QDPR: variants seen among roughly 807,000 people sequenced by gnomAD.
The protein encoded by QDPR is dihydropteridine reductase.
QDPR carries 23 observed loss-of-function variants against 31.7 expected under a neutral mutation model. The observed-to-expected ratio is 0.73, with a 90% CI of 0.52 to 1.03. The LOEUF is 1.03. QDPR is among the 50% of genes least tolerant of loss of function. The probability of loss-of-function intolerance (pLI) is 0.00; values close to 1 mark genes in which losing one functional copy is unlikely to be tolerated. For synonymous variants in QDPR, 124 were observed against 124.7 expected, an observed-to-expected ratio of 0.99 and a Z score of 0.03; for missense variants, 324 against 323.8, an observed-to-expected ratio of 1.00 and a Z score of 0.00.
chr4:17,502,527 C>T (rs1237260074), intron 3 of QDPR, among the ~76,000 whole-genome samples: 1 of 152,052 alleles, frequency 6.6e-6, no homozygotes, highest in East Asian at 1.9e-4. Context: ...AATTGCATTT[C>T]CCCACTAAAA....
At chr4:17,501,344 C>G (rs1382288290) in intron 4 of QDPR, among the ~76,000 whole-genome samples, 2 of 152,196 alleles carry the variant, frequency 1.3e-5, no homozygotes, top group African/African-American at 4.8e-5. Context: ...TCATTTTAAA[C>G]TTATGCTATT....
At chr4:17,505,661 G>C (rs1365389901) in intron 2 of QDPR, among the ~76,000 whole-genome samples, 1 of 152,122 alleles carries the variant, frequency 6.6e-6, no homozygotes, top group African/African-American at 2.4e-5. Context: ...AGACCAGCCC[G>C]GGCAACATAA....
chr4:17,492,355 G>A lies in QDPR; in HGVS notation c.437-15C>T. The stretch of plus-strand genomic sequence containing the variant: ...CCCGATCATACCTGGGAAATGGGGA[G>A]AAGATGGCTCAGTGACCACTGGCGG... On this transcript the variant is annotated splice_polypyrimidine_tract_variant and intron_variant, in intron 4 of 6. Transcript: ENST00000281243. 1 of 1,608,094 alleles carries A rather than the reference G, an allele frequency of 6.2e-7. No homozygotes were observed. The highest frequency in any genetic ancestry group is 1.1e-5 in the South Asian group (1 of 90,918).
intron 1 of QDPR, among the ~76,000 whole-genome samples, chr4:17,510,346 G>A (rs1040458834): frequency 6.6e-6 from 1 of 152,172 alleles, no homozygotes; most frequent in Non-Finnish European, 1.5e-5. Context: ...GATTAACAGG[G>A]TCAGTGTAAG....
At chr4:17,501,203 T>C (rs1333152608) in intron 4 of QDPR, among the ~76,000 whole-genome samples, 1 of 152,164 alleles carries the variant, frequency 6.6e-6, no homozygotes, top group Non-Finnish European at 1.5e-5. Flanking sequence ...TTTTCTAATG[T>C]AGAGATAGGG....
chr4:17,505,158 T>C (rs1718713550), intron 2 of QDPR, among the ~76,000 whole-genome samples: 1 of 151,572 alleles, frequency 6.6e-6, no homozygotes, highest in African/African-American at 2.4e-5. Flanking sequence ...ATTCTGGCCA[T>C]CCACCACGAC....
At chr4:17,500,684 T>C (rs1315949917) in intron 4 of QDPR, among the ~76,000 whole-genome samples, 1 of 152,082 alleles carries the variant, frequency 6.6e-6, no homozygotes, top group Non-Finnish European at 1.5e-5. Context: ...TATGAGAAAA[T>C]AAATCTCTGT....
In QDPR at chr4:17,501,703, G is replaced by A. The variant is rs187812666; in HGVS notation, c.436+16C>T. 100 of 1,613,440 alleles carry A rather than the reference G, an allele frequency of 6.2e-5. No individual in the cohort carries two copies. In the East Asian group the frequency reaches 2.0e-3, roughly 33 times the overall value. On this transcript the variant is annotated intron_variant, in intron 4 of 6. Coordinates refer to ENST00000281243, the MANE Select transcript of QDPR (RefSeq NM_000320.3). ...GTAAGCAACCCCACTCCACAGATAG[G>A]GAAATAAAGGCTTACCAGGAGTCCC...
chr4:17,489,796 T>C (rs1412965649), intron 6 of QDPR, among the ~76,000 whole-genome samples: 3 of 152,236 alleles, frequency 2.0e-5, no homozygotes, highest in Non-Finnish European at 2.9e-5. Context: ...TTAATTTAAA[T>C]GAGATTGTGA....
chr4:17,487,516 C>T (rs1014045489), intron 6 of QDPR, among the ~76,000 whole-genome samples: 1 of 151,704 alleles, frequency 6.6e-6, no homozygotes. Context: ...CGTGGTAGCA[C>T]GTGCCTGTAA....
At position 17,489,341 on chromosome 4, in the gene QDPR, C is replaced by T. The variant is rs566355007; in HGVS notation, c.629+1321G>A. Among the ~76,000 whole-genome samples, 6 of 152,318 alleles carry T rather than the reference C, an allele frequency of 3.9e-5. No individual in the cohort carries two copies. In the South Asian group the frequency reaches 1.2e-3, roughly 32 times the overall value. On this transcript the variant is annotated intron_variant, in intron 6 of 6. Transcript: ENST00000281243. ...TCAGCACGAGTTCAGACACAAGATC[C>T]CAGATGTTCCATCTAGAGTAGGTCT...
intron 4 of QDPR, 185 bp from the exon 5 acceptor site, chr4:17,492,525 G>C (rs542458490): frequency 6.7e-4 from 421 of 628,742 alleles, no homozygotes; most frequent in Non-Finnish European, 1.1e-3. Flanking sequence ...ACGAGAAAGA[G>C]GGGATGGGAA....
At chr4:17,495,830 G>A (rs1396458133) in intron 4 of QDPR, among the ~76,000 whole-genome samples, 1 of 151,664 alleles carries the variant, frequency 6.6e-6, no homozygotes, top group Non-Finnish European at 1.5e-5. Context: ...GCAACATGGT[G>A]AAACCCTGTC....
chr4:17,487,970 G>T (rs781011188), intron 6 of QDPR, among the ~76,000 whole-genome samples: 36 of 152,172 alleles, frequency 2.4e-4, no homozygotes, highest in Non-Finnish European at 4.9e-4. Context: ...GATTTTAAAA[G>T]ATTCTAATTT....
intron 2 of QDPR, among the ~76,000 whole-genome samples, chr4:17,506,343 C>T (rs1470398243): frequency 6.6e-6 from 1 of 152,176 alleles, no homozygotes; most frequent in Non-Finnish European, 1.5e-5. Context: ...GTTGCACAGG[C>T]TGGTCTTAAA....
chr4:17,504,663 A>T (rs1400427784), intron 2 of QDPR, among the ~76,000 whole-genome samples, 188 bp from the exon 3 acceptor site: 1 of 152,194 alleles, frequency 6.6e-6, no homozygotes, highest in Admixed American at 6.5e-5. Context: ...GCCCAAGTAC[A>T]CTTCAGTGTG....
chr4:17,493,571 C>T (rs1041905536), intron 4 of QDPR, among the ~76,000 whole-genome samples: 12 of 152,050 alleles, frequency 7.9e-5, no homozygotes, highest in East Asian at 1.9e-4. Flanking sequence ...CTCAGGCAAA[C>T]GCTTTTTTTA....
At chr4:17,506,288 T>C (rs1022177809) in intron 2 of QDPR, among the ~76,000 whole-genome samples, 1 of 151,956 alleles carries the variant, frequency 6.6e-6, no homozygotes, top group African/African-American at 2.4e-5. Flanking sequence ...TGCCACCACA[T>C]TCAGCTAATT....
chr4:17,503,823 C>T (rs1421736959), intron 3 of QDPR, among the ~76,000 whole-genome samples: 3 of 151,982 alleles, frequency 2.0e-5, no homozygotes, highest in Non-Finnish European at 4.4e-5. Flanking sequence ...TGGTGGTGGG[C>T]ACCTGTAATA....
Sources: allele counts gnomAD v4.1 joint callset (sites outside exome capture counted in the v4.1 genomes callset), GRCh38; gene constraint gnomAD v4.1.1; transcripts MANE v1.5; gene names NCBI Gene and HGNC (gene_info 2026-07-23, HGNC 2026-07-21).